DLG2: variants seen among roughly 807,000 people sequenced by gnomAD.
DLG2 encodes the protein discs large MAGUK scaffold protein 2, also known as disks large homolog 2.
DLG2 carries 45 observed loss-of-function variants against 132.5 expected under a neutral mutation model. That is an observed-to-expected ratio of 0.34 (90% CI 0.27 to 0.44). DLG2 has a LOEUF of 0.44. Ranked by LOEUF, DLG2 falls within the 20% of genes least tolerant of loss-of-function variation. The probability of loss-of-function intolerance (pLI) is 1.00; values close to 1 mark genes in which losing one functional copy is unlikely to be tolerated. For synonymous variants in DLG2, 424 were observed against 419.6 expected, an observed-to-expected ratio of 1.01 and a Z score of -0.13; for missense variants, 1,045 against 1,196.9, an observed-to-expected ratio of 0.87 and a Z score of 1.87.
intron 16 of DLG2, among the ~76,000 whole-genome samples, chr11:83,854,678 T>C (rs953204597): frequency 1.3e-5 from 2 of 152,152 alleles, no homozygotes; most frequent in East Asian, 1.9e-4. Flanking sequence ...CTAGATGACC[T>C]TGGGTTTTGA....
At chr11:85,074,440 C>A (rs2154168638) in intron 6 of DLG2, among the ~76,000 whole-genome samples, 1 of 151,878 alleles carries the variant, frequency 6.6e-6, no homozygotes, top group South Asian at 2.1e-4. Flanking sequence ...GGAAATTAAT[C>A]CCATCAAGAC....
At chr11:84,574,505 A>C (rs979665156) in intron 6 of DLG2, among the ~76,000 whole-genome samples, 1 of 152,166 alleles carries the variant, frequency 6.6e-6, no homozygotes, top group Admixed American at 6.6e-5. Flanking sequence ...TATCAATTAG[A>C]GTTTTACATT....
At chr11:83,951,045 T>C (rs1591687238) in intron 14 of DLG2, among the ~76,000 whole-genome samples, 1 of 151,204 alleles carries the variant, frequency 6.6e-6, no homozygotes, top group African/African-American at 2.4e-5. Flanking sequence ...ACAAAATAAA[T>C]GAAAAGAAAT....
At chr11:83,915,811 C>A (rs1256187105) in intron 15 of DLG2, among the ~76,000 whole-genome samples, 1 of 152,076 alleles carries the variant, frequency 6.6e-6, no homozygotes, top group Non-Finnish European at 1.5e-5. Context: ...AATTGTGCAA[C>A]CATCATGATG....
At chr11:84,989,680 G>C (rs181376179) in intron 6 of DLG2, among the ~76,000 whole-genome samples, 18 of 152,262 alleles carry the variant, frequency 1.2e-4, no homozygotes, top group African/African-American at 4.1e-4. Context: ...ATTGAAAAAA[G>C]AATGTAGGAA....
At chr11:84,494,023 G>T (rs1429301016) in intron 7 of DLG2, among the ~76,000 whole-genome samples, 1 of 152,112 alleles carries the variant, frequency 6.6e-6, no homozygotes, top group African/African-American at 2.4e-5. Flanking sequence ...AAGCAGACAG[G>T]GTAGGCAGTA....
chr11:83,604,378 A>C (rs1356838946), intron 19 of DLG2, among the ~76,000 whole-genome samples: 3 of 152,180 alleles, frequency 2.0e-5, no homozygotes, highest in African/African-American at 7.2e-5. Flanking sequence ...ACTTCTGAGA[A>C]TATATTTTTC....
intron 5 of DLG2, among the ~76,000 whole-genome samples, chr11:85,115,296 G>C (rs1197514015): frequency 1.3e-5 from 2 of 151,896 alleles, no homozygotes; most frequent in Non-Finnish European, 2.9e-5. Context: ...AATACAATGT[G>C]CTGAGTTTAA....
At chr11:83,680,899 T>TC (rs2078671691) in intron 18 of DLG2, among the ~76,000 whole-genome samples, 1 of 151,774 alleles carries the variant, frequency 6.6e-6, no homozygotes. Flanking sequence ...TGCATACATT[T>TC]TTTTCAAAGA....
chr11:85,368,031 T>C (rs1002911874), intron 3 of DLG2, among the ~76,000 whole-genome samples: 1 of 152,226 alleles, frequency 6.6e-6, no homozygotes, highest in Admixed American at 6.5e-5. Flanking sequence ...GTTTCTTTGC[T>C]ATTTCACTAG....
At chr11:85,106,625 T>C (rs2071798700) in intron 6 of DLG2, among the ~76,000 whole-genome samples, 1 of 152,040 alleles carries the variant, frequency 6.6e-6, no homozygotes, top group African/African-American at 2.4e-5. Flanking sequence ...ACTAAGCACT[T>C]AATTATGTGC....
intron 2 of DLG2, among the ~76,000 whole-genome samples, chr11:85,611,239 C>T (rs2080979175): frequency 6.6e-6 from 1 of 152,130 alleles, no homozygotes; most frequent in South Asian, 2.1e-4. Context: ...CAGAGGCTAT[C>T]AAGATAATAC....
intron 6 of DLG2, among the ~76,000 whole-genome samples, chr11:84,928,775 T>C (rs1013426749): frequency 6.6e-6 from 1 of 151,482 alleles, no homozygotes; most frequent in African/African-American, 2.4e-5. Context: ...TTAAAAATCA[T>C]TTCAGGGCTT....
intron 18 of DLG2, chr11:83,647,422 G>A (rs1263267884): frequency 1.3e-5 from 2 of 152,122 alleles, no homozygotes; most frequent in African/African-American, 4.8e-5. Flanking sequence ...TTGGTTGGGT[G>A]GGAATGATTG....
rs748157557 is a variant in DLG2, at chr11:84,534,659, G to A, written c.430C>T (p.Pro144Ser). ...LPRLTHEVRG[P>S]ELVHVSEKNL... ...TTTTCTGATACATGCACGAGTTCTG[G>A]GCCTCTTACTTCGTGGGTTAGTCGA... The change falls in exon 7 of 28, where the codon CCA becomes TCA. Residue 144 changes from proline (P) to serine (S), a missense_variant. By Grantham distance (74) the Pro-to-Ser change is moderately conservative. Around this residue, in one of 4 missense-constraint regions of DLG2, gnomAD observed 277 missense variants for 238.2 expected, o/e 1.16. Transcript: ENST00000376104. 6.2e-7 allele frequency: 1 copy of A among 1,613,898 alleles called. No individual in the cohort carries two copies.
intron 10 of DLG2, among the ~76,000 whole-genome samples, chr11:84,096,570 G>A (rs1474268390): frequency 1.3e-5 from 2 of 151,962 alleles, no homozygotes; most frequent in Admixed American, 1.3e-4. Flanking sequence ...AAGGGTGGAG[G>A]TTCTCCCCAT....
intron 5 of DLG2, among the ~76,000 whole-genome samples, chr11:85,154,135 G>GAAAAA (rs34094958): frequency 3.5e-5 from 2 of 57,668 alleles, no homozygotes; most frequent in East Asian, 6.4e-4. Flanking sequence ...TTCTTTTGGA[G>GAAAAA]AAAAAAAAAA....
intron 10 of DLG2, among the ~76,000 whole-genome samples, chr11:84,066,907 T>C (rs1249026794): frequency 6.6e-6 from 1 of 152,130 alleles, no homozygotes; most frequent in African/African-American, 2.4e-5. Flanking sequence ...TTCAAATAAA[T>C]GAATTAATTA....
At chr11:85,538,354 G>A (rs2075742109) in intron 3 of DLG2, among the ~76,000 whole-genome samples, 1 of 151,878 alleles carries the variant, frequency 6.6e-6, no homozygotes, top group Non-Finnish European at 1.5e-5. Flanking sequence ...ATGCTGGCAA[G>A]GCTGTGGAGA....
Sources: gnomAD v4.1 joint callset for allele counts (sites outside exome capture counted in the v4.1 genomes callset) on GRCh38, gnomAD v4.1.1 for gene constraint, gnomAD v4.1.1 regional missense constraint, MANE v1.5 for transcripts, NCBI Gene and HGNC (gene_info 2026-07-23, HGNC 2026-07-21) for gene names.